DOK7: variants seen among roughly 807,000 people sequenced by gnomAD.
DOK7 encodes the protein protein Dok-7.
DOK7 carries 32 observed loss-of-function variants against 30.7 expected under a neutral mutation model. The observed-to-expected ratio is 1.04, with a 90% confidence interval of 0.79 to 1.40. The LOEUF is 1.40. Among genes scored for constraint, DOK7 ranks in the 40% most tolerant of loss-of-function variants. DOK7 has a pLI of 0.00. For synonymous variants in DOK7, 447 were observed against 324.1 expected (o/e 1.38, Z -4.07); for missense variants, 1,007 against 699.2 (o/e 1.44, Z -4.97).
chr4:3,471,115 G>T (rs1171510661), intron 2 of DOK7, among the ~76,000 whole-genome samples: 1 of 152,256 alleles, frequency 6.6e-6, no homozygotes, highest in Non-Finnish European at 1.5e-5. Flanking sequence ...GGGTCACCTG[G>T]TCCCTCTGTG....
At chr4:3,487,059 C>G (rs1727852430) in intron 5 of DOK7, among the ~76,000 whole-genome samples, 1 of 152,128 alleles carries the variant, frequency 6.6e-6, no homozygotes, top group South Asian at 2.1e-4. Flanking sequence ...CCATTGCTGA[C>G]AGCTGGAGGG....
rs1350076940 is a variant in DOK7 at position 3,489,668 on chromosome 4, C to T, written c.653-9C>T. The T allele has an allele frequency of 3.2e-6, 5 of 1,565,014 alleles. No individual in the cohort carries two copies. Among genetic ancestry groups the T allele is most frequent in the Non-Finnish European group, 4.3e-6 (5 of 1,155,114 alleles). ...CCACCTCCTCCACCGAGTCTTCTCT[C>T]TGCCACAGACCCAAGTCCCCCGGGA... is the stretch of plus-strand genomic sequence containing the variant. On this transcript the variant is annotated splice_polypyrimidine_tract_variant and intron_variant, in intron 5 of 6. Transcript: ENST00000340083.
intron 6 of DOK7, among the ~76,000 whole-genome samples, chr4:3,490,046 A>G (rs555716678): frequency 6.6e-4 from 79 of 118,958 alleles, no homozygotes; most frequent in African/African-American, 2.1e-3. Context: ...TCTTCCTCCT[A>G]CTCATTAATT....
chr4:3,495,778 A>C (rs1264374886), downstream of DOK7, among the ~76,000 whole-genome samples: 1 of 149,762 alleles, frequency 6.7e-6, no homozygotes, highest in South Asian at 2.1e-4. Context: ...CACCATCCAC[A>C]CCTACCCGCC....
rs2699425 is a variant in DOK7, at chr4:3,476,324, T to C, written c.332-18T>C. 121,843 of 775,664 alleles carry C rather than the reference T, an allele frequency of 0.16. 27,925 individuals carry two copies. Among genetic ancestry groups the C allele is most frequent in the Admixed American group, 0.32 (10,679 of 32,864 alleles). The allele number at this position is 775,664 out of a possible 1,614,324, so 48.0% of individuals were successfully genotyped here. ...ACCCTGCCCGCCCGTGATGCCCTCT[T>C]GCCCCGCCTGCCCGCAGTGCATAGG... On this transcript the variant is annotated intron_variant, in intron 3 of 6. Coordinates refer to ENST00000340083, the MANE Select transcript of DOK7 (RefSeq NM_173660.5).
intron 1 of DOK7, 21 bp downstream of exon 1, chr4:3,463,450 C>CGGGGGGGGGGGGGGGGG (rs71180187): frequency 3.3e-5 from 40 of 1,230,618 alleles, no homozygotes; most frequent in East Asian, 1.4e-4. Context: ...GTCGGGGGCG[C>CGGGGGGGGGGGGGGGGG]GGGGGGGGGG....
intron 4 of DOK7, among the ~76,000 whole-genome samples, chr4:3,479,263 C>T (rs981889076): frequency 1.3e-5 from 2 of 152,266 alleles, no homozygotes; most frequent in Non-Finnish European, 2.9e-5. Flanking sequence ...CAGTCTCTTG[C>T]AGTCTGTGGA....
At chr4:3,466,748 A>T (rs1004057451) in intron 2 of DOK7, among the ~76,000 whole-genome samples, 1 of 152,234 alleles carries the variant, frequency 6.6e-6, no homozygotes, top group Admixed American at 6.5e-5. Context: ...AGGGCTCTTG[A>T]GGGCAATGGA....
intron 4 of DOK7, chr4:3,484,871 C>A: frequency 1.0e-6 from 1 of 985,476 alleles, no homozygotes; most frequent in Non-Finnish European, 1.2e-6. Context: ...TTACAAACAT[C>A]TGAATGCAGC....
rs199919196 is a variant in DOK7 at position 3,466,974 on chromosome 4, G to A, written c.100+3423G>A. Among the ~76,000 whole-genome samples the A allele has an allele frequency of 2.7e-4, 41 of 152,326 alleles. No homozygotes were observed. In the East Asian group the frequency reaches 4.8e-3, roughly 18 times the overall value. ...GTGTGTCCTGGCTGTGGCCTGGCCC[G>A]AGGAGGCATCAGCAGGCCGGCCTGG... On this transcript the variant is annotated intron_variant, in intron 2 of 6. Coordinates refer to ENST00000340083, the MANE Select transcript of DOK7 (RefSeq NM_173660.5).
At chr4:3,466,219 G>A (rs1264290357) in intron 2 of DOK7, among the ~76,000 whole-genome samples, 1 of 152,192 alleles carries the variant, frequency 6.6e-6, no homozygotes, top group Non-Finnish European at 1.5e-5. Context: ...CCCCACAGCT[G>A]GCTGGAAGTT....
exon 8 of DOK7, chr4:3,500,717 G>T (rs1331849065): frequency 2.0e-6 from 3 of 1,535,652 alleles, no homozygotes; most frequent in Non-Finnish European, 2.6e-6. Context: ...TCTACGCCCA[G>T]ATCGACATCA....
At chr4:3,474,209 G>T (rs958852400) in intron 3 of DOK7, among the ~76,000 whole-genome samples, 1 of 152,158 alleles carries the variant, frequency 6.6e-6, no homozygotes, top group African/African-American at 2.4e-5. Context: ...GGGTGGTGAT[G>T]GGGCCCTGGG....
intron 4 of DOK7, among the ~76,000 whole-genome samples, chr4:3,482,631 C>T (rs996246008): frequency 5.3e-5 from 8 of 152,240 alleles, no homozygotes; most frequent in East Asian, 3.8e-4. Flanking sequence ...ACAGAGTGGC[C>T]GGCTTTGCTG....
At chr4:3,498,184 A>C (rs1378454326), downstream of DOK7, among the ~76,000 whole-genome samples, 1 of 152,118 alleles carries the variant, frequency 6.6e-6, no homozygotes, top group Non-Finnish European at 1.5e-5. Context: ...TGCTTCACTG[A>C]AAGAGTATCC....
Position 3,494,227 on chromosome 4 carries a change from C to G in DOK7, c.*726C>G. ...TGGTGGGAGCTCTGCTGGCTCCTGT[C>G]TGAACCTCCTCGCAGGGCCAAAGGC... On this transcript the variant is annotated 3_prime_UTR_variant, in exon 7 of 7. Coordinates refer to ENST00000340083, the MANE Select transcript of DOK7 (RefSeq NM_173660.5). The G allele has an allele frequency of 1.0e-6, 1 of 985,566 alleles. No homozygotes were observed. Among genetic ancestry groups the G allele is most frequent in the South Asian group, 4.7e-5 (1 of 21,290 alleles). The allele number at this position is 985,566 out of a possible 1,614,324, so 61.1% of individuals were successfully genotyped here.
At chr4:3,479,163 C>T (rs1218111433) in intron 4 of DOK7, among the ~76,000 whole-genome samples, 3 of 152,224 alleles carry the variant, frequency 2.0e-5, no homozygotes, top group Non-Finnish European at 4.4e-5. Context: ...CTTCCTGCCC[C>T]TTCCAGCCGC....
exon 8 of DOK7, chr4:3,500,708 C>G (rs111866770): frequency 2.6e-6 from 4 of 1,535,826 alleles, no homozygotes; most frequent in Non-Finnish European, 3.5e-6. Flanking sequence ...GCGCCTCCCT[C>G]TACGCCCAGA....
At chr4:3,475,652 C>T (rs527843173) in intron 3 of DOK7, among the ~76,000 whole-genome samples, 2 of 152,212 alleles carry the variant, frequency 1.3e-5, no homozygotes, top group Admixed American at 6.5e-5. Context: ...CTGAGGTTCC[C>T]GTGGCCAGGC....
Sources: allele counts gnomAD v4.1 joint callset (sites outside exome capture counted in the v4.1 genomes callset), GRCh38; gene constraint gnomAD v4.1.1; transcripts MANE v1.5; gene names NCBI Gene and HGNC (gene_info 2026-07-23, HGNC 2026-07-21).